Variants in FGF2 observed in about 807,000 individuals in gnomAD.
The protein encoded by FGF2 is basic fibroblast growth factor bFGF.
FGF2 carries 13 observed loss-of-function variants against 15.9 expected under a neutral mutation model. That is an observed-to-expected ratio of 0.82 (90% confidence interval 0.53 to 1.30). FGF2 has a LOEUF of 1.30. Among genes scored for constraint, FGF2 ranks in the 50% most tolerant of loss-of-function variants. The pLI is 0.00. For missense variants in FGF2, 163 were observed against 196.9 expected (o/e 0.83, Z 1.03); for synonymous variants, 90 against 78.4 (o/e 1.15, Z -0.78).
At chr4:122,850,814 A>G (rs1560743132) in intron 1 of FGF2, among the ~76,000 whole-genome samples, 1 of 152,090 alleles carries the variant, frequency 6.6e-6, no homozygotes, top group Non-Finnish European at 1.5e-5. Context: ...GGGGAAGGAA[A>G]CACATTCAAT....
In FGF2 at chr4:122,864,314, G is replaced by T. The variant is rs1726529588; in HGVS notation, c.179-12007G>T. On this transcript the variant is annotated intron_variant, in intron 1 of 2. Coordinates refer to ENST00000644866, the MANE Select transcript of FGF2 (RefSeq NM_001361665.2). ...GTCACTCTTTTCCCTGAGGTACTTT[G>T]ATCCAACAGACATTCACTCGATTCT... Among the ~76,000 whole-genome samples the T allele has an allele frequency of 2.0e-5, 3 of 152,092 alleles. No homozygotes were observed. The South Asian group carries it at 6.2e-4, about 32-fold the overall frequency.
rs139013497 is a variant in FGF2, at chr4:122,889,302, G to A, written c.283-2909G>A. Reference sequence around the variant, plus strand: ...AGGCTTTGGAAACAAGGTACAAGTTGTTATAAGCCCTTAGAAGCCACTTTC... The same window carrying A: ...AGGCTTTGGAAACAAGGTACAAGTTATTATAAGCCCTTAGAAGCCACTTTC... On this transcript the variant is annotated intron_variant, in intron 2 of 2. Transcript: ENST00000644866. Among the ~76,000 whole-genome samples, 41 of 152,246 alleles carry A rather than the reference G, an allele frequency of 2.7e-4. No homozygotes were observed. In the East Asian group the frequency reaches 3.1e-3, roughly 11 times the overall value.
At chr4:122,855,910 A>T (rs927641423) in intron 1 of FGF2, among the ~76,000 whole-genome samples, 1 of 152,206 alleles carries the variant, frequency 6.6e-6, no homozygotes, top group African/African-American at 2.4e-5. Context: ...TTTGAGCTTC[A>T]TCCTTCTTTT....
Position 122,892,314 on chromosome 4 carries a change from G to T in FGF2, c.386G>T (p.Arg129Leu). The change falls in exon 3 of 3, where the codon CGA becomes CTA. Residue 129 changes from arginine to leucine, a missense_variant. By Grantham distance (102) the Arg-to-Leu change is moderately radical. Transcript: ENST00000644866. Reference sequence around the variant, plus strand: ...ACCAGTTGGTATGTGGCACTGAAACGAACTGGGCAGTATAAACTTGGATCC... The same window carrying T: ...ACCAGTTGGTATGTGGCACTGAAACTAACTGGGCAGTATAAACTTGGATCC... ...KYTSWYVALK[R>L]TGQYKLGSKT... is the part of the protein sequence containing the mutation. 6.2e-7 allele frequency: 1 copy of T among 1,614,010 alleles called. No homozygotes were observed. The highest frequency in any genetic ancestry group is 1.1e-5 in the South Asian group (1 of 91,068).
intron 1 of FGF2, among the ~76,000 whole-genome samples, chr4:122,828,082 T>C (rs1992980): frequency 0.039 from 5,991 of 152,326 alleles, 309 homozygotes; most frequent in South Asian, 0.12. Flanking sequence ...GGGGCTAATA[T>C]ATTACTACCT....
intron 1 of FGF2, among the ~76,000 whole-genome samples, chr4:122,869,226 T>G (rs1726672825): frequency 6.6e-6 from 1 of 152,202 alleles, no homozygotes; most frequent in Admixed American, 6.5e-5. Flanking sequence ...CCATGTTGTT[T>G]TGGTTACTGC....
chr4:122,868,350 T>TA (rs1239787308), intron 1 of FGF2, among the ~76,000 whole-genome samples: 1 of 152,188 alleles, frequency 6.6e-6, no homozygotes, highest in African/African-American at 2.4e-5. Flanking sequence ...AACTCCCACT[T>TA]ACGAGAGAGA....
intron 1 of FGF2, among the ~76,000 whole-genome samples, chr4:122,849,178 A>G (rs1257331771): frequency 2.0e-5 from 3 of 152,230 alleles, no homozygotes; most frequent in African/African-American, 7.2e-5. Context: ...TAGTTGCTAT[A>G]GAAAAAGACA....
At chr4:122,871,006 G>A (rs1490460242) in intron 1 of FGF2, among the ~76,000 whole-genome samples, 1 of 152,140 alleles carries the variant, frequency 6.6e-6, no homozygotes, top group East Asian at 1.9e-4. Flanking sequence ...GTGTCTCAAA[G>A]ATTCTGGTAC....
intron 1 of FGF2, among the ~76,000 whole-genome samples, chr4:122,853,332 A>AT (rs1373786855): frequency 2.0e-5 from 3 of 152,132 alleles, no homozygotes; most frequent in Non-Finnish European, 2.9e-5. Context: ...AATAAAAACT[A>AT]TTTTTTACTA....
At chr4:122,833,154 A>T (rs966532221) in intron 1 of FGF2, among the ~76,000 whole-genome samples, 4 of 151,510 alleles carry the variant, frequency 2.6e-5, no homozygotes, top group African/African-American at 9.7e-5. Context: ...TTTGATACTT[A>T]CTCATTTACA....
chr4:122,878,570 A>G (rs1457170165), intron 2 of FGF2, among the ~76,000 whole-genome samples: 1 of 152,208 alleles, frequency 6.6e-6, no homozygotes, highest in African/African-American at 2.4e-5. Flanking sequence ...CATGCTGACT[A>G]TAAGCAGTGG....
In FGF2 at chr4:122,836,957, G is replaced by C. The variant is rs1725878944; in HGVS notation, c.178+9605G>C. 2.0e-5 allele frequency among the ~76,000 whole-genome samples: 3 copies of C among 152,274 alleles called. No homozygotes were observed. The South Asian group carries it at 6.2e-4, about 32-fold the overall frequency. Reference sequence around the variant, plus strand: ...GAACTGGTTATAGTACTCTAATTAAGGAACGCAGACCTGGGAATTCATACC... The same window carrying C: ...GAACTGGTTATAGTACTCTAATTAACGAACGCAGACCTGGGAATTCATACC... On this transcript the variant is annotated intron_variant, in intron 1 of 2. Transcript: ENST00000644866.
In FGF2 at chr4:122,892,421, T is replaced by C. The variant is rs540014635; in HGVS notation, c.*25T>C. 1.1e-4 allele frequency: 182 copies of C among 1,612,202 alleles called. 2 individuals are homozygous for C. The South Asian group carries it at 1.9e-3, about 17-fold the overall frequency. On this transcript the variant is annotated 3_prime_UTR_variant, in exon 3 of 3. Coordinates refer to ENST00000644866, the MANE Select transcript of FGF2 (RefSeq NM_001361665.2). The stretch of plus-strand genomic sequence containing the variant: ...ATTTTAATGGCCACATCTAATCTCA[T>C]TTCACATGAAAGAAGAAGTATATTT...
rs767472121 is a variant in FGF2 at position 122,892,444 on chromosome 4, T to G, written c.*48T>G. On this transcript the variant is annotated 3_prime_UTR_variant, in exon 3 of 3. Coordinates refer to ENST00000644866, the MANE Select transcript of FGF2 (RefSeq NM_001361665.2). ...CATTTCACATGAAAGAAGAAGTATA[T>G]TTTAGAAATTTGTTAATGAGAGTAA... The G allele has an allele frequency of 1.9e-6, 3 of 1,610,678 alleles. No individual in the cohort carries two copies. The highest frequency in any genetic ancestry group is 4.5e-5 in the East Asian group (2 of 44,844).
At position 122,861,128 on chromosome 4, in the gene FGF2, GC is replaced by G. The variant is rs1726457729; in HGVS notation, c.179-15190del. On this transcript the variant is annotated intron_variant, in intron 1 of 2. Coordinates refer to ENST00000644866, the MANE Select transcript of FGF2 (RefSeq NM_001361665.2). ...GGTGCTTCCTTGGATTATGTCCTTT[GC>G]CCTTTAATCTGCGCTGGCTACACAC... 2.0e-5 allele frequency among the ~76,000 whole-genome samples: 3 copies of G among 152,250 alleles called. No individual in the cohort carries two copies. The South Asian group carries it at 6.2e-4, about 32-fold the overall frequency.
chr4:122,885,489 A>T (rs1443747297), intron 2 of FGF2, among the ~76,000 whole-genome samples: 1 of 152,170 alleles, frequency 6.6e-6, no homozygotes, highest in African/African-American at 2.4e-5. Context: ...TGACTTGAGA[A>T]ATCCTTTTTT....
At chr4:122,876,482 C>A (rs997112766) in intron 2 of FGF2, 58 bp downstream of exon 2, 11 of 1,014,346 alleles carry the variant, frequency 1.1e-5, no homozygotes, top group African/African-American at 4.7e-5. Context: ...TGTTAATTTA[C>A]CAGCATTGTT....
At chr4:122,826,762 G>A (rs780399886), upstream of FGF2, 1 of 1,321,996 alleles carries the variant, frequency 7.6e-7, no homozygotes, top group East Asian at 3.1e-5. Context: ...GAGGAGAACT[G>A]GGGGCGCGGG....
Sources: allele counts gnomAD v4.1 joint callset (sites outside exome capture counted in the v4.1 genomes callset), GRCh38; gene constraint gnomAD v4.1.1; transcripts MANE v1.5; gene names NCBI Gene and HGNC (gene_info 2026-07-23, HGNC 2026-07-21).